The following RIMBP2 variants were observed in gnomAD, a reference collection of about 807,000 sequenced individuals.
RIMBP2 encodes the protein RIMS-binding protein 2.
In RIMBP2, 48 loss-of-function variants were observed where a neutral mutation model predicts 118.6. The ratio of observed to expected loss-of-function variants is 0.40; its 90% confidence interval spans 0.32 to 0.51. The LOEUF (loss-of-function observed/expected upper bound fraction) is 0.51, where lower values mean the gene tolerates loss of function less well. RIMBP2 is among the 20% of genes least tolerant of loss of function. The pLI, the probability that RIMBP2 is intolerant of heterozygous loss-of-function variation, is 0.41. For synonymous variants in RIMBP2, 762 were observed against 742.9 expected (o/e 1.03, Z -0.42); for missense variants, 1,551 against 1,768.3 (o/e 0.88, Z 2.20).
intron 15 of RIMBP2, 60 bp downstream of exon 15, chr12:130,428,119 G>A (rs1261122995): frequency 1.4e-6 from 2 of 1,461,164 alleles, no homozygotes; most frequent in African/African-American, 2.9e-5. Flanking sequence ...CCCAGCAAAG[G>A]GACGTGGATG....
chr12:130,456,571 G>C lies in RIMBP2; in HGVS notation c.283C>G (p.Pro95Ala). ...IDLLGGSAVAPLDISTAPSKP... is the reference protein window; with the variant it reads ...IDLLGGSAVAALDISTAPSKP... ...CTGGGGGCCGTGGAGATGTCCAGGGGGGCCACCGCGCTGCCACCCAGCAGG... is the reference window on the plus strand; with the variant it reads ...CTGGGGGCCGTGGAGATGTCCAGGGCGGCCACCGCGCTGCCACCCAGCAGG... Residue 95 changes from proline (P) to alanine (A), a missense_variant, in exon 7 of 23, where the codon CCC becomes GCC. Physicochemically the swap from Pro to Ala is conservative, Grantham distance 27 (BLOSUM62 -1). This residue lies in a region of RIMBP2 where 239 missense variants were observed against 256.8 expected (regional missense o/e 0.93). Coordinates refer to ENST00000690449, the MANE Select transcript of RIMBP2 (RefSeq NM_001393629.1). 6.2e-7 allele frequency: 1 copy of C among 1,613,358 alleles called. No homozygotes were observed. The highest frequency in any genetic ancestry group is 1.1e-5 in the South Asian group (1 of 91,010).
Position 130,424,178 on chromosome 12 carries a change from G to T in RIMBP2, c.3093C>A (p.His1031Gln). The T allele has an allele frequency of 8.1e-7, 1 of 1,232,208 alleles. No homozygotes were observed. 76.3% of individuals were successfully genotyped at this position (1,232,208 alleles called of 1,614,324 possible). The change falls in exon 16 of 23, where the codon CAC becomes CAA. Residue 1031 changes from histidine (H) to glutamine (Q), a missense_variant. Transcript: ENST00000690449. This position sits in a 1 kb window ranked among gnomAD's most constrained non-coding sequence, Gnocchi z 9.8. Reference sequence around the variant, plus strand: ...GTGCGACTCTGGGAGGTGGCTTTGCGTGGGGGGCAGCTGCCCTACTGTCGG... The same window carrying T: ...GTGCGACTCTGGGAGGTGGCTTTGCTTGGGGGGCAGCTGCCCTACTGTCGG... ...TMPDSRAAAP[H>Q]AKPPPRVAQG... is the part of the protein sequence containing the mutation.
chr12:130,510,232 G>T (rs1015414770), intron 3 of RIMBP2, among the ~76,000 whole-genome samples: 4 of 152,228 alleles, frequency 2.6e-5, no homozygotes, highest in Admixed American at 6.5e-5. Context: ...AATCCTATTT[G>T]TCCCACAGTA....
intron 1 of RIMBP2, among the ~76,000 whole-genome samples, chr12:130,687,029 G>C (rs1360275357): frequency 6.6e-6 from 1 of 152,228 alleles, no homozygotes; most frequent in Non-Finnish European, 1.5e-5. Flanking sequence ...ACCGTGGAGA[G>C]ACTACATTTT....
chr12:130,437,058 C>T lies in RIMBP2; in HGVS notation c.1890G>A (p.Glu630=), dbSNP rs1198328743. 1.9e-6 allele frequency: 3 copies of T among 1,573,678 alleles called. No homozygotes were observed. Among genetic ancestry groups the T allele is most frequent in the Admixed American group, 1.8e-5 (1 of 56,248 alleles). ...CCATCCTGGCGTGGGGACCCAGGTG[C>T]TCGTCTTTGGTTTCGGGGACTCCAG... is the stretch of plus-strand genomic sequence containing the variant. ...ASSGVPETKD[E]HLGPHARMDE... is the part of the protein sequence containing the mutation. Residue 630 remains glutamate, a synonymous_variant, in exon 13 of 23, where the codon GAG becomes GAA. Transcript: ENST00000690449.
intron 21 of RIMBP2, among the ~76,000 whole-genome samples, chr12:130,405,811 C>T (rs2075120514): frequency 6.6e-6 from 1 of 151,952 alleles, no homozygotes; most frequent in Non-Finnish European, 1.5e-5. Context: ...TCTTCCTTTT[C>T]CTAAAATTTA....
chr12:130,606,631 A>T (rs1180088182), intron 2 of RIMBP2, among the ~76,000 whole-genome samples: 1 of 152,098 alleles, frequency 6.6e-6, no homozygotes, highest in Non-Finnish European at 1.5e-5. Context: ...CCTTATCTGA[A>T]AGTCTGCACT....
In RIMBP2 at chr12:130,454,098, A is replaced by G. The variant is rs1259007132; in HGVS notation, c.358+2398T>C. On this transcript the variant is annotated intron_variant, in intron 7 of 22. Coordinates refer to ENST00000690449, the MANE Select transcript of RIMBP2 (RefSeq NM_001393629.1). ...ACAAAATGCTGGATTATAGACTTGA[A>G]GTTTACAAAGGAGGCAGATCTTAAG... is the stretch of plus-strand genomic sequence containing the variant. Among the ~76,000 whole-genome samples the G allele has an allele frequency of 2.0e-5, 3 of 152,188 alleles. No individual in the cohort carries two copies. The East Asian group carries it at 5.8e-4, about 29-fold the overall frequency.
rs576784558 is a variant in RIMBP2, at chr12:130,502,761, C to T, written c.-4+3887G>A. Reference sequence around the variant, plus strand: ...GAGGTCTATTTTGCTAACTGCTATACCCCTGGTGCCTGCAACAGTGCCTGG... The same window carrying T: ...GAGGTCTATTTTGCTAACTGCTATATCCCTGGTGCCTGCAACAGTGCCTGG... On this transcript the variant is annotated intron_variant, in intron 4 of 22. Transcript: ENST00000690449. Among the ~76,000 whole-genome samples, 15 of 152,312 alleles carry T rather than the reference C, an allele frequency of 9.8e-5. No individual in the cohort carries two copies. In the South Asian group the frequency reaches 2.9e-3, roughly 29 times the overall value.
chr12:130,469,011 A>T lies in RIMBP2; in HGVS notation c.153+1682T>A, dbSNP rs1593416647. Reference sequence around the variant, plus strand: ...TCCCCCAGGCTGAGGAACCCCGACCACCCCCCACCTGCGTCAGAAGCTGCA... The same window carrying T: ...TCCCCCAGGCTGAGGAACCCCGACCTCCCCCCACCTGCGTCAGAAGCTGCA... On this transcript the variant is annotated intron_variant, in intron 6 of 22. Coordinates refer to ENST00000690449, the MANE Select transcript of RIMBP2 (RefSeq NM_001393629.1). The surrounding 1 kb of genome is among the most constrained non-coding windows in gnomAD (Gnocchi z 4.8). 6.6e-6 allele frequency: 1 copy of T among 151,352 alleles called. No individual in the cohort carries two copies. The highest frequency in any genetic ancestry group is 1.5e-5 in the Non-Finnish European group (1 of 67,850). The allele number at this position is 151,352 out of a possible 1,614,324, so 9.4% of individuals were successfully genotyped here.
chr12:130,488,946 A>G (rs1309604551), intron 4 of RIMBP2, among the ~76,000 whole-genome samples: 1 of 148,798 alleles, frequency 6.7e-6, no homozygotes, highest in Non-Finnish European at 1.5e-5. Flanking sequence ...GCATGTATAG[A>G]CACTGGTGGA....
At chr12:130,714,840 G>A (rs76531637) in intron 1 of RIMBP2, among the ~76,000 whole-genome samples, 3,561 of 152,342 alleles carry the variant, frequency 0.023, 61 homozygotes, top group East Asian at 0.091. Context: ...ACAGCCCAGC[G>A]GGGGATGAGT....
intron 2 of RIMBP2, among the ~76,000 whole-genome samples, chr12:130,588,084 C>G (rs904903084): frequency 6.6e-6 from 1 of 152,040 alleles, no homozygotes; most frequent in African/African-American, 2.4e-5. Context: ...ACCTGCTGTT[C>G]CCCCATCCCA....
intron 1 of RIMBP2, among the ~76,000 whole-genome samples, chr12:130,712,754 C>T (rs1250652413): frequency 1.3e-5 from 2 of 152,154 alleles, no homozygotes; most frequent in Non-Finnish European, 2.9e-5. Flanking sequence ...ATGTGCTGGA[C>T]GTTCACACTC....
chr12:130,404,145 G>A (rs947279483), intron 21 of RIMBP2, among the ~76,000 whole-genome samples: 4 of 152,108 alleles, frequency 2.6e-5, no homozygotes, highest in Non-Finnish European at 5.9e-5. Flanking sequence ...GGGAACCCAA[G>A]GGAATCGGTT....
At chr12:130,686,001 G>A (rs979741457) in intron 1 of RIMBP2, among the ~76,000 whole-genome samples, 14 of 152,242 alleles carry the variant, frequency 9.2e-5, no homozygotes, top group African/African-American at 2.9e-4. Context: ...GCACCCCAAG[G>A]CAGGACTTTC....
Position 130,478,969 on chromosome 12 carries a change from A to G in RIMBP2, c.45T>C (p.His15=), listed in dbSNP as rs1367575719. 1 of 1,613,858 alleles carries G rather than the reference A, an allele frequency of 6.2e-7. No homozygotes were observed. Among genetic ancestry groups the G allele is most frequent in the Non-Finnish European group, 8.5e-7 (1 of 1,179,974 alleles). ...CACTGAGAACAGCCAGGGCCTGGTCATGCTCCAACTGCAGCTGCTGCCGCC... is the reference window on the plus strand; with the variant it reads ...CACTGAGAACAGCCAGGGCCTGGTCGTGCTCCAACTGCAGCTGCTGCCGCC... ...AERRQQLQLE[H]DQALAVLSAK... Residue 15 remains histidine (H), a synonymous_variant, in exon 5 of 23, where the codon CAT becomes CAC. Transcript: ENST00000690449.
In RIMBP2 at chr12:130,703,189, G is replaced by A. The variant is rs1346761800; in HGVS notation, c.-352+13033C>T. On this transcript the variant is annotated intron_variant, in intron 1 of 22. Transcript: ENST00000690449. This position sits in a 1 kb window ranked among gnomAD's most constrained non-coding sequence, Gnocchi z 5.7. The stretch of plus-strand genomic sequence containing the variant: ...AGTGGTCCGGCCTCCTAGCATGGGG[G>A]CAGCCAATTAACCAGGAGAGTCACC... Among the ~76,000 whole-genome samples the A allele has an allele frequency of 1.3e-5, 2 of 152,050 alleles. No homozygotes were observed. The highest frequency in any genetic ancestry group is 2.9e-5 in the Non-Finnish European group (2 of 68,014).
At chr12:130,402,556 T>G (rs1291930072) in intron 21 of RIMBP2, among the ~76,000 whole-genome samples, 4 of 152,118 alleles carry the variant, frequency 2.6e-5, no homozygotes, top group Non-Finnish European at 5.9e-5. Flanking sequence ...TAACTTTCTC[T>G]AAAAAAATTT....
Sources: gnomAD v4.1 joint callset for allele counts (sites outside exome capture counted in the v4.1 genomes callset) on GRCh38, gnomAD v4.1.1 for gene constraint, gnomAD v4.1.1 regional missense constraint, Gnocchi (gnomAD v3.1) non-coding constraint, MANE v1.5 for transcripts, NCBI Gene and HGNC (gene_info 2026-07-23, HGNC 2026-07-21) for gene names.